Variants in CNTN5 observed in about 807,000 individuals in gnomAD.
CNTN5 encodes contactin 5.
Under a neutral mutation model 129.1 loss-of-function variants are expected in CNTN5, and 77 were observed. The ratio of observed to expected loss-of-function variants is 0.60; its 90% CI spans 0.50 to 0.72. CNTN5 has a LOEUF of 0.72. CNTN5 is among the 30% of genes least tolerant of loss of function. The probability of loss-of-function intolerance (pLI) is 0.00; values close to 1 mark genes in which losing one functional copy is unlikely to be tolerated. For synonymous variants in CNTN5, 509 were observed against 465.6 expected (o/e 1.09, Z -1.20); for missense variants, 1,478 against 1,328.8 (o/e 1.11, Z -1.75).
intron 2 of CNTN5, among the ~76,000 whole-genome samples, chr11:99,410,315 A>G (rs1029969583): frequency 2.0e-5 from 3 of 152,216 alleles, no homozygotes; most frequent in Admixed American, 1.3e-4. Flanking sequence ...TGCAATTTGT[A>G]GAAGAACTGA....
intron 13 of CNTN5, among the ~76,000 whole-genome samples, chr11:100,081,321 G>A (rs190933455): frequency 2.0e-5 from 3 of 152,232 alleles, no homozygotes; most frequent in Admixed American, 1.3e-4. Context: ...ATAGAAATGA[G>A]CTAAATTAAG....
At chr11:100,134,393 A>T (rs930025296) in intron 13 of CNTN5, among the ~76,000 whole-genome samples, 2 of 152,144 alleles carry the variant, frequency 1.3e-5, no homozygotes, top group Non-Finnish European at 2.9e-5. Context: ...GGGCAAATTC[A>T]CTTTTCTAAA....
At chr11:99,714,480 A>G (rs1955135359) in intron 3 of CNTN5, among the ~76,000 whole-genome samples, 1 of 151,962 alleles carries the variant, frequency 6.6e-6, no homozygotes. Context: ...TAGGGTCTGG[A>G]TGGTTTAACT....
At chr11:99,936,787 T>A (rs888825952) in intron 7 of CNTN5, among the ~76,000 whole-genome samples, 5 of 152,206 alleles carry the variant, frequency 3.3e-5, no homozygotes, top group Admixed American at 3.3e-4. Flanking sequence ...GAGATGGAAG[T>A]CTTTTGTGTT....
intron 1 of CNTN5, among the ~76,000 whole-genome samples, chr11:99,035,448 G>A (rs565454401): frequency 6.6e-6 from 1 of 152,040 alleles, no homozygotes; most frequent in Non-Finnish European, 1.5e-5. Flanking sequence ...ATGAATCTGG[G>A]TGCTCCTGTA....
intron 1 of CNTN5, among the ~76,000 whole-genome samples, chr11:99,323,039 G>A (rs1865633586): frequency 6.6e-6 from 1 of 152,134 alleles, no homozygotes; most frequent in Admixed American, 6.6e-5. Flanking sequence ...AAGAAATGGA[G>A]AGAAAAATAT....
At chr11:99,489,139 C>T (rs1945935326) in intron 2 of CNTN5, among the ~76,000 whole-genome samples, 2 of 151,728 alleles carry the variant, frequency 1.3e-5, no homozygotes, top group African/African-American at 2.4e-5. Context: ...ACTTTCTTTC[C>T]GTTTGGAGTT....
chr11:99,504,529 C>CAAAAAAAAAA (rs754621021), intron 2 of CNTN5, among the ~76,000 whole-genome samples: 1 of 90,338 alleles, frequency 1.1e-5, no homozygotes, highest in Non-Finnish European at 2.3e-5. Context: ...GACTCCGTCT[C>CAAAAAAAAAA]AAAAAAAAAA....
intron 1 of CNTN5, among the ~76,000 whole-genome samples, chr11:99,251,859 T>C (rs1038314884): frequency 6.6e-6 from 1 of 152,036 alleles, no homozygotes; most frequent in African/African-American, 2.4e-5. Context: ...TTGTGTCCTG[T>C]CGTGAGGAAA....
At chr11:100,159,060 A>G (rs1355316639) in intron 13 of CNTN5, among the ~76,000 whole-genome samples, 2 of 151,924 alleles carry the variant, frequency 1.3e-5, no homozygotes, top group African/African-American at 4.8e-5. Context: ...GAAAGGAGTA[A>G]GACACAAAGG....
chr11:99,155,355 C>G (rs939346580), intron 1 of CNTN5, among the ~76,000 whole-genome samples: 4 of 152,158 alleles, frequency 2.6e-5, no homozygotes, highest in African/African-American at 7.2e-5. Flanking sequence ...CTGCTTTACT[C>G]TCTTGATTAA....
chr11:99,496,216 T>C (rs1946219022), intron 2 of CNTN5, among the ~76,000 whole-genome samples: 1 of 152,146 alleles, frequency 6.6e-6, no homozygotes, highest in African/African-American at 2.4e-5. Context: ...GAGGTCACAC[T>C]CTGTGAAGTT....
At chr11:99,375,710 C>T (rs78336485) in intron 2 of CNTN5, among the ~76,000 whole-genome samples, 1,732 of 152,122 alleles carry the variant, frequency 0.011, 31 homozygotes, top group African/African-American at 0.037. Flanking sequence ...CTGTTTTCTC[C>T]CTCCAGTAGT....
chr11:99,957,785 G>A (rs1222554335), intron 8 of CNTN5, among the ~76,000 whole-genome samples: 1 of 151,984 alleles, frequency 6.6e-6, no homozygotes, highest in Non-Finnish European at 1.5e-5. Flanking sequence ...AATATATGCT[G>A]CTGGAATGTA....
At chr11:99,690,929 A>C (rs1349671825) in intron 3 of CNTN5, among the ~76,000 whole-genome samples, 2 of 152,004 alleles carry the variant, frequency 1.3e-5, no homozygotes, top group South Asian at 2.1e-4. Context: ...TACCACCTTA[A>C]TTTCAGAACT....
chr11:99,135,796 T>A (rs1859191885), intron 1 of CNTN5, among the ~76,000 whole-genome samples: 1 of 152,172 alleles, frequency 6.6e-6, no homozygotes, highest in African/African-American at 2.4e-5. Flanking sequence ...TATATAAATT[T>A]AAATTAGTAC....
At chr11:99,119,829 T>C (rs1225413704) in intron 1 of CNTN5, among the ~76,000 whole-genome samples, 1 of 152,144 alleles carries the variant, frequency 6.6e-6, no homozygotes, top group African/African-American at 2.4e-5. Context: ...ATAGCCACAG[T>C]GAGATGGTAT....
At chr11:99,177,505 A>C (rs1269459881) in intron 1 of CNTN5, among the ~76,000 whole-genome samples, 1 of 152,182 alleles carries the variant, frequency 6.6e-6, no homozygotes, top group Non-Finnish European at 1.5e-5. Context: ...GTTTGTTTTC[A>C]TGAAAATCAC....
intron 2 of CNTN5, among the ~76,000 whole-genome samples, chr11:99,549,914 C>G (rs1189537033): frequency 2.0e-5 from 3 of 152,062 alleles, no homozygotes; most frequent in Non-Finnish European, 4.4e-5. Context: ...TCGAACCATA[C>G]TTTTTCTACT....
Sources: allele counts gnomAD v4.1 joint callset (sites outside exome capture counted in the v4.1 genomes callset), GRCh38; gene constraint gnomAD v4.1.1; transcripts MANE v1.5; gene names NCBI Gene and HGNC (gene_info 2026-07-23, HGNC 2026-07-21).